The following NFIB variants were observed in gnomAD, a reference collection of about 807,000 sequenced individuals.
NFIB encodes the protein nuclear factor I B.
Under a neutral mutation model 61.5 loss-of-function variants are expected in NFIB, and 11 were observed. That is an observed-to-expected ratio of 0.18 (90% confidence interval 0.11 to 0.30). The LOEUF is 0.30. Ranked by LOEUF, NFIB falls within the 10% of genes least tolerant of loss-of-function variation. The pLI, the probability that NFIB is intolerant of heterozygous loss-of-function variation, is 1.00. For missense variants in NFIB, 471 were observed against 608.9 expected (o/e 0.77, Z 2.38); for synonymous variants, 260 against 216.5 (o/e 1.20, Z -1.76).
In NFIB at chr9:14,313,646, C is replaced by G; in HGVS notation, c.-135G>C. ...AGGACGGGGCTCTGCGCTGGATCAC[C>G]GCAACTTCACAACAAACCCAGTCCT... On this transcript the variant is annotated 5_prime_UTR_variant, in exon 1 of 11. Transcript: ENST00000380953. The surrounding 1 kb of genome is among the most constrained non-coding windows in gnomAD (Gnocchi z 4.5). 2 of 1,537,610 alleles carry G rather than the reference C, an allele frequency of 1.3e-6. No individual in the cohort carries two copies. The highest frequency in any genetic ancestry group is 1.2e-5 in the South Asian group (1 of 81,464).
chr9:14,160,206 C>T (rs887336332), intron 3 of NFIB, among the ~76,000 whole-genome samples: 42 of 152,244 alleles, frequency 2.8e-4, no homozygotes, highest in African/African-American at 9.9e-4. Context: ...TATTTTACTT[C>T]TTTTTTATTT....
chr9:14,115,253 G>T (rs1234243891), intron 9 of NFIB, among the ~76,000 whole-genome samples: 1 of 150,860 alleles, frequency 6.6e-6, no homozygotes, highest in Non-Finnish European at 1.5e-5. Flanking sequence ...GATTCACATG[G>T]AAATTTCAAG....
At chr9:14,158,219 T>C (rs998577330) in intron 3 of NFIB, among the ~76,000 whole-genome samples, 2 of 152,040 alleles carry the variant, frequency 1.3e-5, no homozygotes, top group Non-Finnish European at 2.9e-5. Context: ...CATCACCCAA[T>C]TGTACTTTGT....
chr9:14,306,749 C>G (rs2060038674), intron 2 of NFIB, among the ~76,000 whole-genome samples: 1 of 152,206 alleles, frequency 6.6e-6, no homozygotes, highest in Admixed American at 6.5e-5. Context: ...CTTGAAAACG[C>G]ACCTCTTTGT....
At chr9:14,487,622 G>C in the NFIB span, among the ~76,000 whole-genome samples, 276 of 152,146 alleles carry the variant, frequency 1.8e-3, 4 homozygotes, top group East Asian at 0.027. Context: ...AAAAATCAAA[G>C]AACTTGAGTC....
At chr9:14,468,963 C>G in the NFIB span, among the ~76,000 whole-genome samples, 28 of 152,158 alleles carry the variant, frequency 1.8e-4, no homozygotes, top group African/African-American at 6.3e-4. Flanking sequence ...CATTCTAATC[C>G]TAACCGTGTG....
intron 2 of NFIB, among the ~76,000 whole-genome samples, chr9:14,269,066 A>T (rs558847496): frequency 9.2e-4 from 140 of 151,412 alleles, no homozygotes; most frequent in African/African-American, 3.2e-3. Context: ...ATGAGTAAAT[A>T]TACATTTTAA....
the NFIB span, among the ~76,000 whole-genome samples, chr9:14,512,516 T>C: frequency 6.6e-6 from 1 of 152,322 alleles, no homozygotes; most frequent in South Asian, 2.1e-4. Context: ...TATATGGGTT[T>C]TTTTCTGTTT....
chr9:14,511,840 T>TA, the NFIB span, among the ~76,000 whole-genome samples: 1 of 152,216 alleles, frequency 6.6e-6, no homozygotes, highest in African/African-American at 2.4e-5. Flanking sequence ...TATGTTTCCA[T>TA]TTTTTCTTGG....
intron 8 of NFIB, among the ~76,000 whole-genome samples, chr9:14,117,245 G>A (rs187257325): frequency 7.9e-5 from 12 of 152,192 alleles, no homozygotes; most frequent in Non-Finnish European, 4.4e-5. Context: ...AAAATCCCCT[G>A]GGCAATGATA....
At chr9:14,499,067 GGTGTGTGTGTTTGT>G in the NFIB span, among the ~76,000 whole-genome samples, 1 of 151,276 alleles carries the variant, frequency 6.6e-6, no homozygotes, top group African/African-American at 2.4e-5. Context: ...TGCGTGTGTG[GGTGTGTGTGTTTGT>G]GTGTGTGTGA....
At chr9:14,200,221 A>G (rs1297912607) in intron 2 of NFIB, among the ~76,000 whole-genome samples, 1 of 152,216 alleles carries the variant, frequency 6.6e-6, no homozygotes, top group Non-Finnish European at 1.5e-5. Context: ...ATAGTAGTCA[A>G]TGGTGAAATT....
At chr9:14,350,353 T>C (rs1475442297) in intron 1 of NFIB, among the ~76,000 whole-genome samples, 1 of 152,196 alleles carries the variant, frequency 6.6e-6, no homozygotes, top group African/African-American at 2.4e-5. Flanking sequence ...AAACAGACTT[T>C]CACAGAATGC....
At chr9:14,427,070 C>A in the NFIB span, among the ~76,000 whole-genome samples, 4 of 152,174 alleles carry the variant, frequency 2.6e-5, no homozygotes. Context: ...AGATTCCCAA[C>A]TAAGGGTTAA....
chr9:14,458,877 C>G, the NFIB span, among the ~76,000 whole-genome samples: 1 of 151,522 alleles, frequency 6.6e-6, no homozygotes, highest in Non-Finnish European at 1.5e-5. Context: ...AGGATACAAA[C>G]AAATGGAAGA....
chr9:14,366,096 A>G (rs1472652722), intron 1 of NFIB, among the ~76,000 whole-genome samples: 6 of 152,202 alleles, frequency 3.9e-5, no homozygotes, highest in Non-Finnish European at 8.8e-5. Flanking sequence ...CTACCCTTGC[A>G]CTAAGACAAT....
chr9:14,262,514 G>C (rs553107557), intron 2 of NFIB, among the ~76,000 whole-genome samples: 10 of 152,332 alleles, frequency 6.6e-5, no homozygotes, highest in African/African-American at 2.2e-4. Flanking sequence ...CAGGATTAAA[G>C]TGAGAAGAAT....
At chr9:14,438,868 C>T in the NFIB span, among the ~76,000 whole-genome samples, 3 of 152,186 alleles carry the variant, frequency 2.0e-5, no homozygotes, top group Admixed American at 1.3e-4. Context: ...GGCAACAGGA[C>T]GCCCGAGGAA....
At chr9:14,288,728 T>C (rs2058878110) in intron 2 of NFIB, among the ~76,000 whole-genome samples, 1 of 152,036 alleles carries the variant, frequency 6.6e-6, no homozygotes, top group Non-Finnish European at 1.5e-5. Context: ...TTTGGTATTT[T>C]TGTTTTTCAT....
Sources: gnomAD v4.1 joint callset for allele counts (sites outside exome capture counted in the v4.1 genomes callset) on GRCh38, gnomAD v4.1.1 for gene constraint, Gnocchi (gnomAD v3.1) non-coding constraint, MANE v1.5 for transcripts, NCBI Gene and HGNC (gene_info 2026-07-23, HGNC 2026-07-21) for gene names.